Variants in FAM222B observed in about 807,000 individuals in gnomAD.
The protein encoded by FAM222B is protein FAM222B.
A neutral mutation model predicts 38.0 loss-of-function variants in FAM222B; 12 were observed. The observed-to-expected ratio is 0.32, with a 90% CI of 0.20 to 0.51. The LOEUF (loss-of-function observed/expected upper bound fraction) is 0.51. Among genes scored for constraint, FAM222B ranks in the 20% least tolerant of loss-of-function variants. The pLI is 0.97. For missense variants in FAM222B, 716 were observed against 754.2 expected (o/e 0.95, Z 0.59); for synonymous variants, 329 against 317.2 (o/e 1.04, Z -0.40).
intron 1 of FAM222B, among the ~76,000 whole-genome samples, chr17:28,824,480 C>T (rs4795465): frequency 0.19 from 28,679 of 151,956 alleles, 2,839 homozygotes; most frequent in South Asian, 0.3. Context: ...CCACCACTGT[C>T]CAAGAATTTT....
At chr17:28,760,214 C>CAT (rs2035005340) in intron 2 of FAM222B, among the ~76,000 whole-genome samples, 1 of 152,144 alleles carries the variant, frequency 6.6e-6, no homozygotes, top group South Asian at 2.1e-4. Context: ...TTCAAAGTCT[C>CAT]ATATCTTGCA....
intron 1 of FAM222B, among the ~76,000 whole-genome samples, chr17:28,842,066 T>A (rs779363539): frequency 6.6e-6 from 1 of 152,132 alleles, no homozygotes; most frequent in Non-Finnish European, 1.5e-5. Flanking sequence ...GCATAAACAA[T>A]CTCAATTACA....
chr17:28,804,587 G>C (rs1021514630), intron 1 of FAM222B, among the ~76,000 whole-genome samples: 6 of 151,882 alleles, frequency 4.0e-5, no homozygotes, highest in Non-Finnish European at 8.8e-5. Context: ...ACACACCTCG[G>C]CCTCCCAAAG....
intron 1 of FAM222B, among the ~76,000 whole-genome samples, chr17:28,836,277 C>A (rs7211502): frequency 0.19 from 28,647 of 151,890 alleles, 2,835 homozygotes; most frequent in South Asian, 0.3. Flanking sequence ...CATAAGCCAC[C>A]GCGCCTGGCC....
At chr17:28,818,066 TA>T (rs1026180933) in intron 1 of FAM222B, among the ~76,000 whole-genome samples, 1 of 152,088 alleles carries the variant, frequency 6.6e-6, no homozygotes, top group Non-Finnish European at 1.5e-5. Context: ...GCATGCAGTT[TA>T]AAAGGCATGA....
intron 1 of FAM222B, among the ~76,000 whole-genome samples, chr17:28,785,416 T>C (rs1392668200): frequency 6.6e-6 from 1 of 152,362 alleles, no homozygotes; most frequent in East Asian, 1.9e-4. Flanking sequence ...AACGGTTCCA[T>C]AGCTGCCTCT....
intron 1 of FAM222B, among the ~76,000 whole-genome samples, chr17:28,772,844 G>A (rs1308992707): frequency 2.0e-5 from 3 of 152,090 alleles, no homozygotes; most frequent in South Asian, 2.1e-4. Context: ...GCAGTGAGCC[G>A]AGATCGCGCC....
intron 1 of FAM222B, among the ~76,000 whole-genome samples, chr17:28,784,784 G>A (rs1026171669): frequency 1.3e-5 from 2 of 152,000 alleles, no homozygotes; most frequent in Admixed American, 6.6e-5. Context: ...GAGCTGCTCT[G>A]TCACCCAGGC....
At chr17:28,796,415 A>C (rs1161646501) in intron 1 of FAM222B, among the ~76,000 whole-genome samples, 1 of 152,214 alleles carries the variant, frequency 6.6e-6, no homozygotes, top group African/African-American at 2.4e-5. Context: ...AAAAATCATT[A>C]ACTGGTGCTT....
chr17:28,759,966 G>A lies in FAM222B; in HGVS notation c.83-90C>T. Reference sequence around the variant, plus strand: ...AGCCCTTCCAGATTCCCCTTTTGAGGGCCTGGGGTGGGGTGGGGAAATGAC... The same window carrying A: ...AGCCCTTCCAGATTCCCCTTTTGAGAGCCTGGGGTGGGGTGGGGAAATGAC... On this transcript the variant is annotated intron_variant, in intron 2 of 2. Transcript: ENST00000581407. The surrounding 1 kb of genome is among the most constrained non-coding windows in gnomAD (Gnocchi z 4.8). The A allele has an allele frequency of 2.4e-6, 3 of 1,274,172 alleles. No individual in the cohort carries two copies. The highest frequency in any genetic ancestry group is 1.5e-5 in the African/African-American group (1 of 65,728). 78.9% of individuals were successfully genotyped at this position (1,274,172 alleles called of 1,614,324 possible). A position where few individuals can be genotyped will look rare whatever the true frequency, so the allele number is the denominator to read the frequency against.
chr17:28,758,096 G>A lies in FAM222B; in HGVS notation c.*174C>T, dbSNP rs2034794725. On this transcript the variant is annotated 3_prime_UTR_variant, in exon 3 of 3. Transcript: ENST00000581407. ...ACATAAAACCAAAAGTTGCTGGAGGGGAGGACGAGAGGACCCCTTCTGTCC... is the reference window on the plus strand; with the variant it reads ...ACATAAAACCAAAAGTTGCTGGAGGAGAGGACGAGAGGACCCCTTCTGTCC... 1 of 567,558 alleles carries A rather than the reference G, an allele frequency of 1.8e-6. No individual in the cohort carries two copies. The highest frequency in any genetic ancestry group is 3.0e-6 in the Non-Finnish European group (1 of 337,116). The allele number at this position is 567,558 out of a possible 1,614,324, so 35.2% of individuals were successfully genotyped here.
At chr17:28,848,076 C>A (rs1360641762) in intron 1 of FAM222B, among the ~76,000 whole-genome samples, 4 of 152,038 alleles carry the variant, frequency 2.6e-5, no homozygotes, top group Admixed American at 6.6e-5. Context: ...CGGTGTCTGG[C>A]ACATAGCAAG....
At chr17:28,786,897 T>A (rs1030808999) in intron 1 of FAM222B, among the ~76,000 whole-genome samples, 12 of 31,816 alleles carry the variant, frequency 3.8e-4, no homozygotes, top group Non-Finnish European at 1.1e-3. Context: ...TCACTGTATT[T>A]TTTTTTTTTT....
intron 1 of FAM222B, among the ~76,000 whole-genome samples, chr17:28,822,453 G>A (rs36177812): frequency 4.0e-5 from 6 of 150,942 alleles, no homozygotes; most frequent in Admixed American, 1.3e-4. Context: ...GTGAAACCCC[G>A]TCTCTACTAA....
intron 1 of FAM222B, among the ~76,000 whole-genome samples, chr17:28,833,760 A>G (rs2038748846): frequency 6.6e-6 from 1 of 152,166 alleles, no homozygotes; most frequent in East Asian, 1.9e-4. Flanking sequence ...CAACATATAA[A>G]GCAACTGAAG....
chr17:28,765,422 C>G (rs1332638080), intron 2 of FAM222B, among the ~76,000 whole-genome samples: 1 of 152,140 alleles, frequency 6.6e-6, no homozygotes, highest in Non-Finnish European at 1.5e-5. Flanking sequence ...CCACATGGCC[C>G]ACAAAGCTTA....
intron 2 of FAM222B, among the ~76,000 whole-genome samples, chr17:28,765,537 C>T (rs1312302292): frequency 6.6e-6 from 1 of 152,162 alleles, no homozygotes; most frequent in African/African-American, 2.4e-5. Context: ...GCCTAGCCAC[C>T]TCAATGATTT....
intron 1 of FAM222B, among the ~76,000 whole-genome samples, chr17:28,804,039 G>A (rs1229037531): frequency 6.6e-6 from 1 of 151,992 alleles, no homozygotes; most frequent in Non-Finnish European, 1.5e-5. Context: ...TCAAAAGCTA[G>A]TTTACGTATG....
At chr17:28,785,600 A>G (rs1390189641) in intron 1 of FAM222B, among the ~76,000 whole-genome samples, 9 of 152,166 alleles carry the variant, frequency 5.9e-5, no homozygotes, top group Admixed American at 4.6e-4. Context: ...CAATGGCACG[A>G]TTTCAGCTCA....
Sources: allele counts gnomAD v4.1 joint callset (sites outside exome capture counted in the v4.1 genomes callset), GRCh38; gene constraint gnomAD v4.1.1; non-coding constraint Gnocchi (gnomAD v3.1); transcripts MANE v1.5; gene names NCBI Gene and HGNC (gene_info 2026-07-23, HGNC 2026-07-21).